DNAH8: variants seen among roughly 807,000 people sequenced by gnomAD.
DNAH8 encodes dynein axonemal heavy chain 8.
DNAH8 carries 382 observed loss-of-function variants against 562.1 expected under a neutral mutation model. The ratio of observed to expected loss-of-function variants is 0.68; its 90% CI spans 0.63 to 0.74. DNAH8 has a LOEUF of 0.74. Ranked by LOEUF, DNAH8 falls within the 30% of genes least tolerant of loss-of-function variation. The pLI, the probability that DNAH8 is intolerant of heterozygous loss-of-function variation, is 0.00. For synonymous variants in DNAH8, 1,881 were observed against 1,919.4 expected (o/e 0.98, Z 0.52); for missense variants, 5,203 against 5,620.4 (o/e 0.93, Z 2.37).
At chr6:38,796,485 A>G (rs1770259141) in intron 21 of DNAH8, among the ~76,000 whole-genome samples, 1 of 152,098 alleles carries the variant, frequency 6.6e-6, no homozygotes. Flanking sequence ...TCTGCCTCCA[A>G]AGAAAGAAGT....
At chr6:38,796,681 C>T (rs953460080) in intron 21 of DNAH8, among the ~76,000 whole-genome samples, 1 of 152,136 alleles carries the variant, frequency 6.6e-6, no homozygotes, top group Non-Finnish European at 1.5e-5. Context: ...TGCATGCAGC[C>T]CGCAGTCACG....
chr6:38,926,000 A>G, intron 73 of DNAH8, 55 bp from the exon 74 acceptor site: 1 of 1,460,540 alleles, frequency 6.8e-7, no homozygotes, highest in Non-Finnish European at 9.3e-7. Context: ...TTTAATTACT[A>G]ATGAGGGCAT....
intron 74 of DNAH8, 108 bp downstream of exon 74, chr6:38,926,318 G>A (rs1401995380): frequency 1.3e-5 from 16 of 1,243,356 alleles, no homozygotes; most frequent in Non-Finnish European, 1.8e-5. Flanking sequence ...ACAAATGTTT[G>A]CTAATTCACA....
chr6:38,903,615 T>TC (rs1780230617), intron 62 of DNAH8, among the ~76,000 whole-genome samples: 1 of 145,894 alleles, frequency 6.9e-6, no homozygotes, highest in Non-Finnish European at 1.5e-5. Context: ...TTTCTTCCTT[T>TC]TTTTTTTTTT....
chr6:38,832,213 C>G, intron 30 of DNAH8, 109 bp from the exon 31 acceptor site: 7 of 661,388 alleles, frequency 1.1e-5, no homozygotes, highest in Non-Finnish European at 1.9e-5. Flanking sequence ...ACAGAGACTT[C>G]CTTGTTCATA....
intron 39 of DNAH8, among the ~76,000 whole-genome samples, chr6:38,852,227 G>T (rs1342341772): frequency 1.3e-5 from 2 of 152,282 alleles, no homozygotes; most frequent in East Asian, 1.9e-4. Context: ...GGCACAGAAG[G>T]TCCCATCCCA....
chr6:38,793,827 GA>G lies in DNAH8; in HGVS notation c.2901+2160del, dbSNP rs1392109696. On this transcript the variant is annotated intron_variant, in intron 21 of 92. Transcript: ENST00000327475. ...ATTTTACAACATAATTTCACTATCT[GA>G]AAAAAATGGGGGAGTCTAATTCTGC... Among the ~76,000 whole-genome samples, 8 of 151,828 alleles carry G rather than the reference GA, an allele frequency of 5.3e-5. No individual in the cohort carries two copies. In the East Asian group the frequency reaches 9.7e-4, roughly 18 times the overall value.
chr6:39,028,269 CA>C (rs1561991510), intron 92 of DNAH8, among the ~76,000 whole-genome samples: 1 of 152,204 alleles, frequency 6.6e-6, no homozygotes, highest in Non-Finnish European at 1.5e-5. Flanking sequence ...GCTGTCATAA[CA>C]AAGTATCATT....
At chr6:38,816,240 C>T (rs1323730948) in intron 26 of DNAH8, among the ~76,000 whole-genome samples, 1 of 152,140 alleles carries the variant, frequency 6.6e-6, no homozygotes, top group Admixed American at 6.5e-5. Context: ...CCTTCACCCC[C>T]ATCCCCCACC....
At chr6:38,796,478 G>A (rs746784788) in intron 21 of DNAH8, among the ~76,000 whole-genome samples, 18 of 152,018 alleles carry the variant, frequency 1.2e-4, no homozygotes, top group Non-Finnish European at 2.5e-4. Context: ...CCCAATTTCT[G>A]CCTCCAAAGA....
At chr6:38,774,317 G>C (rs1344190744) in intron 12 of DNAH8, among the ~76,000 whole-genome samples, 1 of 152,180 alleles carries the variant, frequency 6.6e-6, no homozygotes, top group Non-Finnish European at 1.5e-5. Context: ...GTGATGCTGA[G>C]ATGAGGGAAT....
Position 38,979,575 on chromosome 6 carries a change from C to CT in DNAH8, c.12835-2764dup, listed in dbSNP as rs550792369. On this transcript the variant is annotated intron_variant, in intron 85 of 92. Transcript: ENST00000327475. ...AAAAGGCACCCACTAAGATTTTGGG[C>CT]TTTTTTTCCCAAGATGAGCTAATCA... is the stretch of plus-strand genomic sequence containing the variant. 5.9e-3 allele frequency among the ~76,000 whole-genome samples: 891 copies of CT among 152,148 alleles called. 10 individuals are homozygous for CT. Among genetic ancestry groups the CT allele is most frequent in the Non-Finnish European group, 6.9e-3 (467 of 67,992 alleles).
At chr6:38,902,915 T>C (rs1212876389) in intron 62 of DNAH8, among the ~76,000 whole-genome samples, 1 of 152,226 alleles carries the variant, frequency 6.6e-6, no homozygotes, top group Admixed American at 6.5e-5. Flanking sequence ...ACATATATGA[T>C]GGTGGTCACA....
intron 17 of DNAH8, among the ~76,000 whole-genome samples, chr6:38,785,186 AT>A (rs1769029592): frequency 6.6e-6 from 1 of 152,174 alleles, no homozygotes; most frequent in South Asian, 2.1e-4. Context: ...AACTTCTTTC[AT>A]TTCATTTCAG....
chr6:38,935,497 A>G (rs1782876440), intron 76 of DNAH8, 95 bp from the exon 77 acceptor site: 2 of 822,088 alleles, frequency 2.4e-6, no homozygotes, highest in South Asian at 3.7e-5. Flanking sequence ...CTTTGCTTTA[A>G]ACTTTTAAAA....
Position 38,860,471 on chromosome 6 carries a change from C to A in DNAH8, c.5973C>A (p.Ile1991=). Residue 1991 remains isoleucine, a synonymous_variant, in exon 43 of 93, where the codon ATC becomes ATA. Transcript: ENST00000327475. ...ATGTTTTTAAGGTAAAAATGCATATCAAATCACCTACTGACTTTGAATGGC... is the reference window on the plus strand; with the variant it reads ...ATGTTTTTAAGGTAAAAATGCATATAAAATCACCTACTGACTTTGAATGGC... The part of the protein sequence containing the change: ...DIFDDLVKMH[I]KSPTDFEWLK... 1 of 1,413,376 alleles carries A rather than the reference C, an allele frequency of 7.1e-7. No homozygotes were observed. Among genetic ancestry groups the A allele is most frequent in the Non-Finnish European group, 9.3e-7 (1 of 1,076,520 alleles). The allele number at this position is 1,413,376 out of a possible 1,614,324, so 87.6% of individuals were successfully genotyped here. A position where few individuals can be genotyped will look rare whatever the true frequency, so the allele number is the denominator to read the frequency against.
intron 30 of DNAH8, 125 bp downstream of exon 30, chr6:38,828,413 C>G (rs1039905522): frequency 1.8e-5 from 10 of 561,000 alleles, no homozygotes; most frequent in East Asian, 3.2e-5. Context: ...CAGTCAACAA[C>G]AGACTGCATA....
In DNAH8 at chr6:38,737,072, G is replaced by A. The variant is rs548311289; in HGVS notation, c.768G>A (p.Ala256=). ...TTTAAACTCCACCCTTTCAGGAAGC[G>A]CTCTTTACTGTTCTGGATGCGTCGA... ...AINVKTIQEE[A]LFTVLDASKG... Residue 256 remains alanine (A), a synonymous_variant, in exon 6 of 93, where the codon GCG becomes GCA. Coordinates refer to ENST00000327475, the MANE Select transcript of DNAH8 (RefSeq NM_001206927.2). 6.8e-5 allele frequency: 104 copies of A among 1,518,976 alleles called. No homozygotes were observed. Among genetic ancestry groups the A allele is most frequent in the African/African-American group, 8.6e-5 (6 of 69,918 alleles). 94.1% of individuals were successfully genotyped at this position (1,518,976 alleles called of 1,614,324 possible).
intron 73 of DNAH8, among the ~76,000 whole-genome samples, chr6:38,925,324 A>T (rs984864602): frequency 7.9e-6 from 1 of 125,814 alleles, no homozygotes; most frequent in African/African-American, 3.3e-5. Context: ...ATTTTATTTT[A>T]TTTTATTTTA....
Sources: gnomAD v4.1 joint callset for allele counts (sites outside exome capture counted in the v4.1 genomes callset) on GRCh38, gnomAD v4.1.1 for gene constraint, MANE v1.5 for transcripts, NCBI Gene and HGNC (gene_info 2026-07-23, HGNC 2026-07-21) for gene names.